The following TEX11 variants were observed in gnomAD, a reference collection of about 807,000 sequenced individuals.
The protein encoded by TEX11 is testis-expressed protein 11.
TEX11 carries 7 observed loss-of-function variants against 84.4 expected under a neutral mutation model. The ratio of observed to expected loss-of-function variants is 0.08; its 90% confidence interval spans 0.05 to 0.16. The LOEUF (loss-of-function observed/expected upper bound fraction) is 0.16, where lower values mean the gene tolerates loss of function less well. TEX11 is among the 10% of genes least tolerant of loss of function. The pLI is 1.00. For missense variants in TEX11, 551 were observed against 660.5 expected, an observed-to-expected ratio of 0.83 and a Z score of 1.82; for synonymous variants, 264 against 222.8, an observed-to-expected ratio of 1.18 and a Z score of -1.64.
chrX:70,763,060 AT>A (rs1044136394), intron 9 of TEX11, among the ~76,000 whole-genome samples: 15 of 111,717 alleles, frequency 1.3e-4, no homozygotes, highest in African/African-American at 4.9e-4. Flanking sequence ...CAAAACAAAA[AT>A]CTAAAATTAG....
At chrX:70,884,406 A>T (rs764796976) in intron 2 of TEX11, among the ~76,000 whole-genome samples, 1 of 111,910 alleles carries the variant, frequency 8.9e-6, no homozygotes, top group East Asian at 2.8e-4. Context: ...CAGAAAGGAA[A>T]GAAATGAGCC....
At chrX:70,564,470 T>C (rs1238353933) in intron 25 of TEX11, among the ~76,000 whole-genome samples, 3 of 109,827 alleles carry the variant, frequency 2.7e-5, no homozygotes, top group Non-Finnish European at 5.7e-5. Context: ...TAGTTACATA[T>C]GTATACATGT....
chrX:70,867,852 T>C (rs946088814), intron 4 of TEX11, among the ~76,000 whole-genome samples: 3 of 111,788 alleles, frequency 2.7e-5, no homozygotes, highest in Non-Finnish European at 3.8e-5. Flanking sequence ...GATTCTTTCC[T>C]TACACCTTAT....
At chrX:70,562,719 C>A (rs772160737) in intron 25 of TEX11, among the ~76,000 whole-genome samples, 54 of 111,856 alleles carry the variant, frequency 4.8e-4, no homozygotes, top group African/African-American at 1.7e-3. Flanking sequence ...GCATATAGTT[C>A]TATTGGTTGT....
intron 25 of TEX11, among the ~76,000 whole-genome samples, chrX:70,590,394 T>C (rs5936932): frequency 0.43 from 47,226 of 110,498 alleles, 8,308 homozygotes; most frequent in East Asian, 0.6. Context: ...GAAAACAGAA[T>C]TCATCAATAT....
At chrX:70,883,408 A>AC (rs1412683196) in intron 2 of TEX11, among the ~76,000 whole-genome samples, 1 of 110,033 alleles carries the variant, frequency 9.1e-6, no homozygotes, top group Non-Finnish European at 1.9e-5. Flanking sequence ...ATATAGACAG[A>AC]CCCCATCTTT....
intron 25 of TEX11, among the ~76,000 whole-genome samples, chrX:70,589,455 C>T (rs1248762342): frequency 1.8e-5 from 2 of 110,637 alleles, no homozygotes; most frequent in African/African-American, 3.3e-5. Context: ...TATCTATAGC[C>T]TAGTTGTATT....
At chrX:70,768,743 T>C (rs966505558) in intron 9 of TEX11, among the ~76,000 whole-genome samples, 3 of 110,356 alleles carry the variant, frequency 2.7e-5, no homozygotes, top group Non-Finnish European at 5.7e-5. Context: ...GAGATGAGAG[T>C]TGGGTGGAGA....
At position 70,552,195 on chromosome X, in the gene TEX11, A is replaced by G. The variant is rs771528409; in HGVS notation, c.2451T>C (p.Asn817=). ...VNLSVPDGAS[N]VELCPLEEVW... ...CTTCTTCCAGGGGACAGAGCTCTAC[A>G]TTCGACGCCCCATCTGGCACTGAGA... The change falls in exon 28 of 30, where the codon AAT becomes AAC. Residue 817 remains asparagine, a synonymous_variant. Coordinates refer to ENST00000374333, the MANE Select transcript of TEX11 (RefSeq NM_031276.3). 7 of 1,211,499 alleles carry G rather than the reference A, an allele frequency of 5.8e-6. No homozygotes were observed. In the East Asian group the frequency reaches 2.1e-4, roughly 36 times the overall value.
At chrX:70,715,704 C>T (rs760757371) in intron 13 of TEX11, among the ~76,000 whole-genome samples, 3 of 111,600 alleles carry the variant, frequency 2.7e-5, no homozygotes, top group African/African-American at 9.8e-5. Flanking sequence ...AATCTTTTTT[C>T]AAGGTTTTTA....
chrX:70,640,642 A>G (rs1326966442), intron 17 of TEX11, among the ~76,000 whole-genome samples: 1 of 109,000 alleles, frequency 9.2e-6, no homozygotes, highest in Non-Finnish European at 1.9e-5. Context: ...AGAATTTTCA[A>G]CCCAGAATTT....
chrX:70,860,966 C>T (rs911965994), intron 4 of TEX11, 30 bp from the exon 5 acceptor site: 1 of 965,719 alleles, frequency 1.0e-6, no homozygotes, highest in Non-Finnish European at 1.4e-6. Flanking sequence ...CAATGATAAA[C>T]ACAAAACATT....
At chrX:70,615,265 T>C (rs1295226423) in intron 20 of TEX11, among the ~76,000 whole-genome samples, 1 of 111,398 alleles carries the variant, frequency 9.0e-6, no homozygotes, top group Non-Finnish European at 1.9e-5. Flanking sequence ...GAATTCAAAA[T>C]AGCTGTTTTG....
chrX:70,546,711 T>C (rs369687459), intron 28 of TEX11, among the ~76,000 whole-genome samples: 4 of 110,534 alleles, frequency 3.6e-5, no homozygotes, highest in Admixed American at 9.7e-5. Flanking sequence ...AGATGAACAA[T>C]AGCAAGTGTT....
intron 16 of TEX11, among the ~76,000 whole-genome samples, chrX:70,669,461 A>T (rs1351175439): frequency 2.7e-5 from 3 of 112,661 alleles, no homozygotes; most frequent in Non-Finnish European, 5.6e-5. Context: ...AACTGTAGGT[A>T]ACTATTTTCT....
intron 13 of TEX11, among the ~76,000 whole-genome samples, chrX:70,721,597 G>A (rs1462972156): frequency 9.0e-6 from 1 of 111,591 alleles, no homozygotes; most frequent in Non-Finnish European, 1.9e-5. Flanking sequence ...CGAAGGTTCT[G>A]GCCTCAGTTT....
chrX:70,631,059 A>G (rs1438516784), intron 17 of TEX11, among the ~76,000 whole-genome samples: 1 of 112,352 alleles, frequency 8.9e-6, no homozygotes, highest in Non-Finnish European at 1.9e-5. Context: ...CCACAATTAT[A>G]GTTAAAGATT....
chrX:70,900,279 G>A (rs756033890), intron 2 of TEX11, among the ~76,000 whole-genome samples: 57 of 107,233 alleles, frequency 5.3e-4, no homozygotes, highest in Middle Eastern at 4.7e-3. Context: ...GCTGAGGCAG[G>A]AGAATCGCTT....
At chrX:70,752,324 A>C (rs2090832279) in intron 9 of TEX11, among the ~76,000 whole-genome samples, 1 of 110,007 alleles carries the variant, frequency 9.1e-6, no homozygotes, top group African/African-American at 3.3e-5. Context: ...CAGGAGTTGG[A>C]GACCAGCTTG....
Sources: gnomAD v4.1 joint callset for allele counts (sites outside exome capture counted in the v4.1 genomes callset) on GRCh38, gnomAD v4.1.1 for gene constraint, MANE v1.5 for transcripts, NCBI Gene and HGNC (gene_info 2026-07-23, HGNC 2026-07-21) for gene names.